PCDH11X: variants seen among roughly 807,000 people sequenced by gnomAD.
The protein encoded by PCDH11X is protocadherin 11 X-linked.
Under a neutral mutation model 53.3 loss-of-function variants are expected in PCDH11X, and 18 were observed. The ratio of observed to expected loss-of-function variants is 0.34; its 90% CI spans 0.23 to 0.50. The LOEUF (loss-of-function observed/expected upper bound fraction) is 0.50. Ranked by LOEUF, PCDH11X falls within the 20% of genes least tolerant of loss-of-function variation. The pLI is 0.98. For missense variants in PCDH11X, 570 were observed against 1,032.4 expected, an observed-to-expected ratio of 0.55 and a Z score of 6.14; for synonymous variants, 279 against 393.3, an observed-to-expected ratio of 0.71 and a Z score of 3.44.
intron 6 of PCDH11X, among the ~76,000 whole-genome samples, chrX:92,021,879 A>G (rs2525413): frequency 0.059 from 6,294 of 106,712 alleles, 324 homozygotes; most frequent in East Asian, 0.21. Context: ...CATTCTTAAA[A>G]AAAAGCATTT....
At chrX:92,590,179 T>C (rs935347559) in intron 10 of PCDH11X, among the ~76,000 whole-genome samples, 4 of 109,703 alleles carry the variant, frequency 3.6e-5, no homozygotes, top group African/African-American at 1.0e-4. Flanking sequence ...CCCACCCCTT[T>C]CCCCAAACTG....
chrX:91,995,022 A>G (rs1245852921), intron 6 of PCDH11X, among the ~76,000 whole-genome samples: 2 of 111,076 alleles, frequency 1.8e-5, no homozygotes, highest in African/African-American at 6.5e-5. Flanking sequence ...TTTCAAAAGT[A>G]TTTAGTTGTA....
At position 92,148,239 on chromosome X, in the gene PCDH11X, T is replaced by C. The variant is rs1447067492; in HGVS notation, c.3034-53136T>C. 6.8e-5 allele frequency among the ~76,000 whole-genome samples: 6 copies of C among 88,249 alleles called. No homozygotes were observed. In the East Asian group the frequency reaches 2.0e-3, roughly 30 times the overall value. The allele number at this position is 88,249 out of a possible 115,157, so 76.6% of individuals were successfully genotyped here. On this transcript the variant is annotated intron_variant, in intron 6 of 10. Coordinates refer to ENST00000682573, the MANE Select transcript of PCDH11X (RefSeq NM_032968.5). ...TTCCCTGTCTCTTTCCCTTCCTTTTTTTTTTTTTGAGACAGAGTCTTGCTC... is the reference window on the plus strand; with the variant it reads ...TTCCCTGTCTCTTTCCCTTCCTTTTCTTTTTTTTGAGACAGAGTCTTGCTC...
intron 6 of PCDH11X, among the ~76,000 whole-genome samples, chrX:92,083,225 T>G (rs1205040574): frequency 8.9e-6 from 1 of 111,943 alleles, no homozygotes; most frequent in Non-Finnish European, 1.9e-5. Flanking sequence ...GAAATTTATG[T>G]AAGGCACGCA....
chrX:92,009,960 C>T (rs770830468), intron 6 of PCDH11X, among the ~76,000 whole-genome samples: 30 of 110,565 alleles, frequency 2.7e-4, no homozygotes, highest in Non-Finnish European at 4.3e-4. Flanking sequence ...CTGCCTCGGC[C>T]TCCCAAAGGG....
chrX:92,101,590 G>A (rs2064252867), intron 6 of PCDH11X, among the ~76,000 whole-genome samples: 1 of 111,354 alleles, frequency 9.0e-6, no homozygotes, highest in African/African-American at 3.3e-5. Context: ...AGACTGTATT[G>A]AGGTGGGAAG....
chrX:91,784,207 G>A (rs1935256885), intron 1 of PCDH11X, among the ~76,000 whole-genome samples: 1 of 104,250 alleles, frequency 9.6e-6, no homozygotes, highest in Admixed American at 9.9e-5. Flanking sequence ...ATAGCACACA[G>A]TAGAAATATT....
chrX:92,027,545 G>A (rs1348082667), intron 6 of PCDH11X, among the ~76,000 whole-genome samples: 4 of 111,016 alleles, frequency 3.6e-5, no homozygotes, highest in Non-Finnish European at 7.6e-5. Flanking sequence ...CTTATATATA[G>A]CGTAGCAAGA....
intron 6 of PCDH11X, among the ~76,000 whole-genome samples, chrX:92,142,158 ATT>A (rs755188681): frequency 9.2e-5 from 9 of 98,159 alleles, no homozygotes; most frequent in Non-Finnish European, 8.3e-5. Context: ...TATTATTATT[ATT>A]TTTTTTTTTT....
chrX:92,418,390 C>T (rs927818717), intron 9 of PCDH11X, among the ~76,000 whole-genome samples: 11 of 110,848 alleles, frequency 9.9e-5, no homozygotes, highest in Admixed American at 4.8e-4. Context: ...ATATTCTTGA[C>T]TTTTTTTCCT....
intron 4 of PCDH11X, among the ~76,000 whole-genome samples, chrX:91,830,488 G>A (rs1023299830): frequency 4.5e-5 from 5 of 110,465 alleles, no homozygotes; most frequent in South Asian, 3.8e-4. Context: ...GCCCTTGCCC[G>A]CCTCTGCTTG....
intron 10 of PCDH11X, among the ~76,000 whole-genome samples, chrX:92,568,151 G>A (rs1235023655): frequency 9.1e-6 from 1 of 110,156 alleles, no homozygotes; most frequent in East Asian, 2.9e-4. Context: ...GCTGGGCCCA[G>A]TGGCTCACAC....
intron 6 of PCDH11X, among the ~76,000 whole-genome samples, chrX:92,020,814 T>C (rs2147998722): frequency 9.0e-6 from 1 of 111,106 alleles, no homozygotes; most frequent in African/African-American, 3.3e-5. Flanking sequence ...CAGTGCCCCT[T>C]AGGGTCAGAG....
chrX:91,844,925 C>T (rs988788271), intron 5 of PCDH11X, among the ~76,000 whole-genome samples: 4 of 110,107 alleles, frequency 3.6e-5, no homozygotes, highest in African/African-American at 1.3e-4. Flanking sequence ...AACAGAAGAA[C>T]GAAGTTGTGT....
chrX:92,538,806 C>T (rs1334517724), intron 10 of PCDH11X, among the ~76,000 whole-genome samples: 2 of 104,142 alleles, frequency 1.9e-5, no homozygotes, highest in African/African-American at 3.5e-5. Flanking sequence ...GAGTAGTTTA[C>T]ATACCATGAT....
At chrX:92,210,301 C>T (rs951903892) in intron 7 of PCDH11X, among the ~76,000 whole-genome samples, 5 of 84,143 alleles carry the variant, frequency 5.9e-5, no homozygotes, top group South Asian at 1.5e-3. Flanking sequence ...TACAGTGGTG[C>T]GATCTCAGCT....
chrX:92,338,394 G>A (rs983971651), intron 8 of PCDH11X, among the ~76,000 whole-genome samples: 1 of 110,933 alleles, frequency 9.0e-6, no homozygotes, highest in Non-Finnish European at 1.9e-5. Flanking sequence ...TTTTTTAATT[G>A]AGTAATTTGA....
At chrX:92,565,122 A>G (rs1418713558) in intron 10 of PCDH11X, among the ~76,000 whole-genome samples, 2 of 110,115 alleles carry the variant, frequency 1.8e-5, no homozygotes, top group East Asian at 5.7e-4. Flanking sequence ...GGCAATGACA[A>G]ATTCTGGTGA....
At chrX:92,154,739 C>T (rs1387157259) in intron 6 of PCDH11X, among the ~76,000 whole-genome samples, 1 of 107,847 alleles carries the variant, frequency 9.3e-6, no homozygotes, top group Admixed American at 1.0e-4. Context: ...TGGAACAACA[C>T]AGAGTCTGGC....
Sources: allele counts gnomAD v4.1 joint callset (sites outside exome capture counted in the v4.1 genomes callset), GRCh38; gene constraint gnomAD v4.1.1; transcripts MANE v1.5; gene names NCBI Gene and HGNC (gene_info 2026-07-23, HGNC 2026-07-21).